RB1CC1: variants seen among roughly 807,000 people sequenced by gnomAD.
The protein encoded by RB1CC1 is RB1-inducible coiled-coil protein 1.
Under a neutral mutation model 177.5 loss-of-function variants are expected in RB1CC1, and 46 were observed. The observed-to-expected ratio is 0.26, with a 90% CI of 0.20 to 0.33. RB1CC1 has a LOEUF of 0.33. RB1CC1 is among the 10% of genes least tolerant of loss of function. RB1CC1 has a pLI of 1.00. For missense variants in RB1CC1, 1,703 were observed against 1,816.3 expected (o/e 0.94, Z 1.13); for synonymous variants, 666 against 613.6 (o/e 1.09, Z -1.26).
At chr8:52,704,068 T>G (rs1224709006) in intron 1 of RB1CC1, among the ~76,000 whole-genome samples, 1 of 152,162 alleles carries the variant, frequency 6.6e-6, no homozygotes, top group African/African-American at 2.4e-5. Context: ...GGGACATCAG[T>G]AACCAAGTAC....
At chr8:52,705,327 G>T (rs1159292843) in intron 1 of RB1CC1, among the ~76,000 whole-genome samples, 1 of 152,118 alleles carries the variant, frequency 6.6e-6, no homozygotes, top group African/African-American at 2.4e-5. Flanking sequence ...ATGACAAATG[G>T]CTATCCATAG....
At chr8:52,683,357 T>C (rs1853944437) in intron 5 of RB1CC1, among the ~76,000 whole-genome samples, 192 bp downstream of exon 5, 1 of 152,204 alleles carries the variant, frequency 6.6e-6, no homozygotes, top group Admixed American at 6.5e-5. Context: ...TCTAAAATAC[T>C]GTCATTATCA....
At chr8:52,686,717 T>C (rs1197347283) in intron 2 of RB1CC1, 136 bp downstream of exon 2, 3 of 269,070 alleles carry the variant, frequency 1.1e-5, no homozygotes, top group East Asian at 1.0e-4. Flanking sequence ...CCTTTACTTA[T>C]GCTCTTTCCA....
At chr8:52,713,486 C>A (rs1234694466) in intron 1 of RB1CC1, among the ~76,000 whole-genome samples, 1 of 152,212 alleles carries the variant, frequency 6.6e-6, no homozygotes, top group Non-Finnish European at 1.5e-5. Flanking sequence ...GGGGCGGGCG[C>A]AGGCTGAGTC....
At chr8:52,652,265 G>A (rs1850663342) in intron 15 of RB1CC1, among the ~76,000 whole-genome samples, 1 of 152,026 alleles carries the variant, frequency 6.6e-6, no homozygotes, top group Non-Finnish European at 1.5e-5. Flanking sequence ...AGGAGATCGA[G>A]ACCATCCTGG....
chr8:52,707,327 G>A (rs1174604749), intron 1 of RB1CC1, among the ~76,000 whole-genome samples: 1 of 150,288 alleles, frequency 6.7e-6, no homozygotes, highest in African/African-American at 2.5e-5. Context: ...ATTTAAATTC[G>A]GTGCTTTTCC....
chr8:52,631,986 T>C (rs907192474), intron 20 of RB1CC1, among the ~76,000 whole-genome samples: 2 of 152,198 alleles, frequency 1.3e-5, no homozygotes, highest in Non-Finnish European at 2.9e-5. Flanking sequence ...ATGAAACTTC[T>C]GAGATGTCTC....
chr8:52,698,670 G>GTTT (rs1183407164), intron 1 of RB1CC1, among the ~76,000 whole-genome samples: 1 of 77,400 alleles, frequency 1.3e-5, no homozygotes, highest in Non-Finnish European at 2.4e-5. Context: ...GTAATGGTTG[G>GTTT]TTTTTTTTTT....
intron 20 of RB1CC1, among the ~76,000 whole-genome samples, chr8:52,633,094 A>T (rs902216388): frequency 3.3e-5 from 5 of 152,192 alleles, no homozygotes; most frequent in Non-Finnish European, 5.9e-5. Context: ...CCACCTTTCC[A>T]GACAGAACAT....
rs569330137 is a variant in RB1CC1, at chr8:52,643,075, GA to G, written c.3988-264del. 2.7e-3 allele frequency: 707 copies of G among 261,500 alleles called. 2 individuals carry two copies. The highest frequency in any genetic ancestry group is 3.7e-3 in the Non-Finnish European group (540 of 144,522). The allele number at this position is 261,500 out of a possible 1,614,324, so 16.2% of individuals were successfully genotyped here. ...TTACTGTCAGAGATTTTGAAATTTTGAAGAATTAGAAGCATCAATAACTTAG... is the reference window on the plus strand; with the variant it reads ...TTACTGTCAGAGATTTTGAAATTTTGAGAATTAGAAGCATCAATAACTTAG... On this transcript the variant is annotated intron_variant, in intron 16 of 23. Transcript: ENST00000025008.
intron 19 of RB1CC1, 147 bp downstream of exon 19, chr8:52,635,868 C>G: frequency 1.0e-6 from 1 of 998,070 alleles, no homozygotes. Flanking sequence ...CAAGACTTCC[C>G]AAAACAGTGA....
chr8:52,662,814 T>A lies in RB1CC1; in HGVS notation c.1174-1095A>T, dbSNP rs568617899. Among the ~76,000 whole-genome samples, 7 of 152,158 alleles carry A rather than the reference T, an allele frequency of 4.6e-5. No individual in the cohort carries two copies. In the East Asian group the frequency reaches 1.2e-3, roughly 25 times the overall value. ...TTTTTTTTCCCTTTCAATATACTCT[T>A]TGGTTAACTGCAACTATAATTTTTC... On this transcript the variant is annotated intron_variant, in intron 8 of 23. Coordinates refer to ENST00000025008, the MANE Select transcript of RB1CC1 (RefSeq NM_014781.5).
At chr8:52,713,449 G>T (rs1160349872) in intron 1 of RB1CC1, among the ~76,000 whole-genome samples, 1 of 152,202 alleles carries the variant, frequency 6.6e-6, no homozygotes, top group East Asian at 1.9e-4. Flanking sequence ...TGAAATCCGC[G>T]TGCACACCCA....
intron 5 of RB1CC1, among the ~76,000 whole-genome samples, chr8:52,678,567 A>G (rs1316576764): frequency 6.6e-6 from 1 of 152,232 alleles, no homozygotes; most frequent in Non-Finnish European, 1.5e-5. Flanking sequence ...ATGTTCCACC[A>G]TCATTAAGAT....
chr8:52,673,838 T>C lies in RB1CC1; in HGVS notation c.1002+7A>G, dbSNP rs987567591. On this transcript the variant is annotated splice_region_variant and intron_variant, in intron 7 of 23. Coordinates refer to ENST00000025008, the MANE Select transcript of RB1CC1 (RefSeq NM_014781.5). ...GACAAAACAAACATCAAATTAACGT[T>C]ACTTACCCTGCTCATAGAATCAAAG... 4 of 1,596,328 alleles carry C rather than the reference T, an allele frequency of 2.5e-6. No individual in the cohort carries two copies. Among genetic ancestry groups the C allele is most frequent in the Non-Finnish European group, 2.6e-6 (3 of 1,169,798 alleles).
chr8:52,691,070 C>G (rs1020248148), intron 1 of RB1CC1, among the ~76,000 whole-genome samples: 4 of 152,162 alleles, frequency 2.6e-5, no homozygotes, highest in African/African-American at 7.2e-5. Flanking sequence ...TCAATAATAT[C>G]CTTTGTAGTT....
At position 52,656,479 on chromosome 8, in the gene RB1CC1, T is replaced by C; in HGVS notation, c.3350A>G (p.Asn1117Ser). 3.7e-6 allele frequency: 6 copies of C among 1,611,484 alleles called. No individual in the cohort carries two copies. In the Middle Eastern group the frequency reaches 8.3e-4, roughly 222 times the overall value. ...TAGCTCTGCTAAGCCCACCTGATAA[T>C]TTTCATTATTATCCTGAATCTTTTG... is the stretch of plus-strand genomic sequence containing the variant. ...LNQKIQDNNENYQVGLAELRT... is the reference protein window; with the variant it reads ...LNQKIQDNNESYQVGLAELRT... Residue 1117 changes from asparagine to serine, a missense_variant, in exon 15 of 24, where the codon AAT becomes AGT. Physicochemically the swap from Asn to Ser is conservative, Grantham distance 46. Coordinates refer to ENST00000025008, the MANE Select transcript of RB1CC1 (RefSeq NM_014781.5).
intron 15 of RB1CC1, among the ~76,000 whole-genome samples, chr8:52,655,566 CACT>C (rs958398872): frequency 6.6e-6 from 1 of 151,918 alleles, no homozygotes; most frequent in Non-Finnish European, 1.5e-5. Context: ...CAATAAGGAA[CACT>C]CTACATGTTC....
At chr8:52,663,203 C>T (rs543190072) in intron 8 of RB1CC1, among the ~76,000 whole-genome samples, 4 of 152,172 alleles carry the variant, frequency 2.6e-5, no homozygotes, top group East Asian at 1.9e-4. Context: ...TACTCACAAT[C>T]GTGTTCCAGA....
Sources: gnomAD v4.1 joint callset for allele counts (sites outside exome capture counted in the v4.1 genomes callset) on GRCh38, gnomAD v4.1.1 for gene constraint, MANE v1.5 for transcripts, NCBI Gene and HGNC (gene_info 2026-07-23, HGNC 2026-07-21) for gene names.